The following BMPR2 variants were observed in gnomAD, a reference collection of about 807,000 sequenced individuals.
BMPR2 encodes the protein bone morphogenetic protein receptor type-2.
BMPR2 carries 29 observed loss-of-function variants against 100.8 expected under a neutral mutation model. The ratio of observed to expected loss-of-function variants is 0.29; its 90% CI spans 0.21 to 0.39. The LOEUF (loss-of-function observed/expected upper bound fraction) is 0.39, where lower values mean the gene tolerates loss of function less well. BMPR2 is among the 10% of genes least tolerant of loss of function. The pLI is 1.00. For synonymous variants in BMPR2, 382 were observed against 442.3 expected (o/e 0.86, Z 1.71); for missense variants, 1,011 against 1,274.5 (o/e 0.79, Z 3.15).
At chr2:202,499,959 T>C (rs1687345366) in intron 3 of BMPR2, among the ~76,000 whole-genome samples, 1 of 152,174 alleles carries the variant, frequency 6.6e-6, no homozygotes, top group Non-Finnish European at 1.5e-5. Context: ...TAAAAAAGAT[T>C]GTCCAATGAG....
At chr2:202,490,319 TACAC>T (rs147025489) in intron 3 of BMPR2, among the ~76,000 whole-genome samples, 14 of 150,320 alleles carry the variant, frequency 9.3e-5, no homozygotes, top group South Asian at 4.2e-4. Flanking sequence ...AAAAGGTATG[TACAC>T]ACACACACAC....
chr2:202,399,448 G>A (rs1230506484), intron 1 of BMPR2, among the ~76,000 whole-genome samples: 1 of 152,208 alleles, frequency 6.6e-6, no homozygotes, highest in Non-Finnish European at 1.5e-5. Flanking sequence ...GAAGAGAGAT[G>A]CACAACAAGG....
chr2:202,522,030 G>A (rs34678966), intron 7 of BMPR2, among the ~76,000 whole-genome samples: 2,934 of 152,098 alleles, frequency 0.019, 42 homozygotes, highest in Non-Finnish European at 0.031. Flanking sequence ...GTGGTGACAC[G>A]CGCACATAAT....
At chr2:202,385,243 T>G (rs1043019653) in intron 1 of BMPR2, among the ~76,000 whole-genome samples, 2 of 152,020 alleles carry the variant, frequency 1.3e-5, no homozygotes, top group South Asian at 2.1e-4. Flanking sequence ...AGGCTAACCT[T>G]TTAGGGCAAG....
At chr2:202,442,759 C>A (rs1166916425) in intron 1 of BMPR2, among the ~76,000 whole-genome samples, 1 of 150,728 alleles carries the variant, frequency 6.6e-6, no homozygotes, top group Non-Finnish European at 1.5e-5. Context: ...CTTGTTGTAG[C>A]ATATGACAGG....
chr2:202,460,466 C>G (rs917330983), intron 1 of BMPR2, among the ~76,000 whole-genome samples: 2 of 152,026 alleles, frequency 1.3e-5, no homozygotes, highest in African/African-American at 4.8e-5. Context: ...ATTTTTTAAA[C>G]AGAGAAGAAG....
At chr2:202,412,350 A>G (rs1216510876) in intron 1 of BMPR2, among the ~76,000 whole-genome samples, 3 of 152,100 alleles carry the variant, frequency 2.0e-5, no homozygotes, top group Non-Finnish European at 2.9e-5. Flanking sequence ...ATGGAGTCTC[A>G]CTCTGTCGCC....
At position 202,450,160 on chromosome 2, in the gene BMPR2, C is replaced by T. The variant is rs146791182; in HGVS notation, c.77-14649C>T. Among the ~76,000 whole-genome samples the T allele has an allele frequency of 1.0e-3, 159 of 152,176 alleles. 2 individuals are homozygous for T. Among genetic ancestry groups the T allele is most frequent in the African/African-American group, 3.0e-3 (124 of 41,538 alleles). On this transcript the variant is annotated intron_variant, in intron 1 of 12. Transcript: ENST00000374580. ...AAAAAAAGCATTATAGCCTTGAGTACGACTTTGTGCTGAATTCTGTGGGTC... is the reference window on the plus strand; with the variant it reads ...AAAAAAAGCATTATAGCCTTGAGTATGACTTTGTGCTGAATTCTGTGGGTC...
At chr2:202,535,125 G>A (rs1688116914) in intron 9 of BMPR2, among the ~76,000 whole-genome samples, 1 of 146,174 alleles carries the variant, frequency 6.8e-6, no homozygotes, top group Non-Finnish European at 1.5e-5. Flanking sequence ...GGCTGGCCGG[G>A]CGGGGGGCTG....
intron 9 of BMPR2, among the ~76,000 whole-genome samples, 159 bp from the exon 10 acceptor site, chr2:202,542,152 G>T (rs939603751): frequency 6.6e-6 from 1 of 151,856 alleles, no homozygotes; most frequent in South Asian, 2.1e-4. Flanking sequence ...CTACAGCAAG[G>T]TCTCTTTAGG....
chr2:202,385,688 TTTA>T (rs1477182460), intron 1 of BMPR2, among the ~76,000 whole-genome samples: 1 of 149,064 alleles, frequency 6.7e-6, no homozygotes. Context: ...AGCATGTATT[TTTA>T]TATGGTTGTG....
rs553362969 is a variant in BMPR2, at chr2:202,504,741, G to A, written c.419-8978G>A. 1.6e-4 allele frequency among the ~76,000 whole-genome samples: 24 copies of A among 145,686 alleles called. No homozygotes were observed. The South Asian group carries it at 4.4e-3, about 27-fold the overall frequency. The stretch of plus-strand genomic sequence containing the variant: ...GTCACTCAGGCTGGAGTGCAGTGGC[G>A]CAATCTCTGCTCACTGCAACCTCCA... On this transcript the variant is annotated intron_variant, in intron 3 of 12. Transcript: ENST00000374580.
intron 1 of BMPR2, among the ~76,000 whole-genome samples, chr2:202,437,542 A>G (rs915922198): frequency 2.0e-5 from 3 of 150,526 alleles, no homozygotes; most frequent in African/African-American, 5.0e-5. Context: ...GAGTTGTGCA[A>G]CTGTCACCAC....
At chr2:202,453,184 T>C (rs1244148396) in intron 1 of BMPR2, among the ~76,000 whole-genome samples, 1 of 146,352 alleles carries the variant, frequency 6.8e-6, no homozygotes, top group Non-Finnish European at 1.5e-5. Context: ...GATCTTATCA[T>C]TGCAGTTTAA....
chr2:202,413,232 T>C (rs973805459), intron 1 of BMPR2, among the ~76,000 whole-genome samples: 9 of 152,200 alleles, frequency 5.9e-5, no homozygotes, highest in East Asian at 1.9e-4. Context: ...GTGATTTCAC[T>C]GTTCAAAATG....
intron 1 of BMPR2, among the ~76,000 whole-genome samples, chr2:202,438,269 C>CTCCA (rs1434089460): frequency 2.0e-5 from 3 of 150,336 alleles, no homozygotes; most frequent in African/African-American, 7.5e-5. Flanking sequence ...GCCAAGATCA[C>CTCCA]GCCATTGCAC....
intron 3 of BMPR2, among the ~76,000 whole-genome samples, chr2:202,494,718 G>GT (rs1043710565): frequency 6.6e-6 from 1 of 152,130 alleles, no homozygotes; most frequent in Non-Finnish European, 1.5e-5. Flanking sequence ...ATGTAAAAAG[G>GT]TTTTTTTATT....
At chr2:202,433,639 A>G (rs1167589467) in intron 1 of BMPR2, among the ~76,000 whole-genome samples, 6 of 150,574 alleles carry the variant, frequency 4.0e-5, no homozygotes, top group Non-Finnish European at 7.4e-5. Context: ...GCCGGGCATG[A>G]TGGCTCATGC....
intron 1 of BMPR2, among the ~76,000 whole-genome samples, chr2:202,418,604 G>A (rs998087482): frequency 1.3e-5 from 2 of 152,078 alleles, no homozygotes; most frequent in Non-Finnish European, 2.9e-5. Context: ...GGTGAACATT[G>A]TTTCAGTTCA....
Sources: allele counts gnomAD v4.1 joint callset (sites outside exome capture counted in the v4.1 genomes callset), GRCh38; gene constraint gnomAD v4.1.1; transcripts MANE v1.5; gene names NCBI Gene and HGNC (gene_info 2026-07-23, HGNC 2026-07-21).